Variants in PRKCZ observed in about 807,000 individuals in gnomAD.
The protein encoded by PRKCZ is protein kinase C zeta type.
Under a neutral mutation model 79.5 loss-of-function variants are expected in PRKCZ, and 33 were observed. That is an observed-to-expected ratio of 0.41 (90% confidence interval 0.31 to 0.55). The LOEUF (loss-of-function observed/expected upper bound fraction) is 0.55, where lower values mean the gene tolerates loss of function less well. Among genes scored for constraint, PRKCZ ranks in the 20% least tolerant of loss-of-function variants. PRKCZ has a pLI of 0.19. For synonymous variants in PRKCZ, 342 were observed against 320.9 expected, an observed-to-expected ratio of 1.07 and a Z score of -0.70; for missense variants, 578 against 813.5, an observed-to-expected ratio of 0.71 and a Z score of 3.52.
rs1182943665 is a variant in PRKCZ, at chr1:2,056,413, G to C, written c.194-71G>C. On this transcript the variant is annotated intron_variant, in intron 2 of 17. Transcript: ENST00000378567. The stretch of plus-strand genomic sequence containing the variant: ...CCACCAGACCCTTGTCTGGTGTGCT[G>C]AGCGGGCTCGTCACAGCCCCCTTTG... 3.6e-6 allele frequency: 5 copies of C among 1,387,094 alleles called. No homozygotes were observed. In the Admixed American group the frequency reaches 5.3e-5, roughly 15 times the overall value. The allele number at this position is 1,387,094 out of a possible 1,614,324, so 85.9% of individuals were successfully genotyped here. A position where few individuals can be genotyped will look rare whatever the true frequency, so the allele number is the denominator to read the frequency against.
rs1679253663 is a variant in PRKCZ at position 2,148,785 on chromosome 1, A to G, written c.635-87A>G. The stretch of plus-strand genomic sequence containing the variant: ...GATTCACCCTTCACCGTCACCCTGC[A>G]GAGGAGCAAGGTCCACAGGGTCGCT... On this transcript the variant is annotated intron_variant, in intron 7 of 17. Coordinates refer to ENST00000378567, the MANE Select transcript of PRKCZ (RefSeq NM_002744.6). 2.2e-6 allele frequency: 3 copies of G among 1,341,684 alleles called. No individual in the cohort carries two copies. The East Asian group carries it at 6.9e-5, about 31-fold the overall frequency. 83.1% of individuals were successfully genotyped at this position (1,341,684 alleles called of 1,614,324 possible). A position where few individuals can be genotyped will look rare whatever the true frequency, so the allele number is the denominator to read the frequency against.
At chr1:2,104,649 G>A in intron 4 of PRKCZ, 1 of 981,962 alleles carries the variant, frequency 1.0e-6, no homozygotes, top group Non-Finnish European at 1.2e-6. Context: ...AGCATCCAGG[G>A]GAAGCCAGTG....
intron 4 of PRKCZ, among the ~76,000 whole-genome samples, chr1:2,080,536 G>A (rs1241257420): frequency 2.6e-5 from 4 of 152,156 alleles, no homozygotes; most frequent in Non-Finnish European, 4.4e-5. Context: ...TCACCCCCTC[G>A]TTCAGTGGGG....
chr1:2,107,637 C>A (rs891897343), intron 4 of PRKCZ, among the ~76,000 whole-genome samples: 4 of 152,198 alleles, frequency 2.6e-5, no homozygotes, highest in Non-Finnish European at 4.4e-5. Flanking sequence ...GGAGGATGAG[C>A]CCTGCGAGGT....
chr1:2,055,805 T>A, intron 2 of PRKCZ: 1 of 485,070 alleles, frequency 2.1e-6, no homozygotes, highest in Non-Finnish European at 3.6e-6. Context: ...CTGCAGGGGG[T>A]CTCCCTGCCC....
intron 4 of PRKCZ, among the ~76,000 whole-genome samples, chr1:2,060,544 A>G (rs747787013): frequency 6.6e-6 from 1 of 151,822 alleles, no homozygotes; most frequent in Admixed American, 6.6e-5. Flanking sequence ...GAGGTTTGGC[A>G]GCGCTTAGCG....
upstream of PRKCZ, chr1:2,050,361 GGGACCGCCCGCCCCGC>G: frequency 6.0e-6 from 1 of 166,246 alleles, no homozygotes; most frequent in Non-Finnish European, 1.3e-5. Flanking sequence ...CGCCCGCCCC[GGGACCGCCCGCCCCGC>G]GGATTGGCCG....
At chr1:2,166,392 C>T (rs967425998) in intron 10 of PRKCZ, among the ~76,000 whole-genome samples, 2 of 152,212 alleles carry the variant, frequency 1.3e-5, no homozygotes, top group African/African-American at 4.8e-5. Context: ...GCACTCCAGC[C>T]TGAGTGACAG....
At chr1:2,057,971 A>G (rs1404339567) in intron 3 of PRKCZ, among the ~76,000 whole-genome samples, 1 of 151,314 alleles carries the variant, frequency 6.6e-6, no homozygotes. Context: ...GGGTTCAAGC[A>G]ATTCTTCTGC....
intron 4 of PRKCZ, among the ~76,000 whole-genome samples, chr1:2,129,997 G>A (rs1272178353): frequency 1.3e-5 from 2 of 152,200 alleles, no homozygotes; most frequent in African/African-American, 4.8e-5. Flanking sequence ...CCACCTGCCA[G>A]GCTCAGGTGA....
intron 4 of PRKCZ, among the ~76,000 whole-genome samples, chr1:2,091,597 C>G (rs1435605293): frequency 6.6e-6 from 1 of 152,132 alleles, no homozygotes; most frequent in Non-Finnish European, 1.5e-5. Context: ...TAGTTTGCCT[C>G]TCCCGGTGGT....
chr1:2,109,052 G>A (rs370184747), intron 4 of PRKCZ, among the ~76,000 whole-genome samples: 21 of 152,216 alleles, frequency 1.4e-4, no homozygotes, highest in African/African-American at 5.1e-4. Flanking sequence ...CATCCCTCTT[G>A]TGAGGACCCC....
intron 4 of PRKCZ, among the ~76,000 whole-genome samples, chr1:2,080,167 G>C (rs183702339): frequency 6.6e-6 from 1 of 152,146 alleles, no homozygotes; most frequent in East Asian, 1.9e-4. Flanking sequence ...TTGCTGTTAC[G>C]GGTTTTTTGG....
chr1:2,087,605 C>T (rs1359587420), intron 4 of PRKCZ, among the ~76,000 whole-genome samples: 1 of 152,160 alleles, frequency 6.6e-6, no homozygotes, highest in African/African-American at 2.4e-5. Flanking sequence ...GGTTGTATCC[C>T]ATCACCTGGA....
In PRKCZ at chr1:2,150,966, G is replaced by A. The variant is rs1423057814; in HGVS notation, c.864G>A (p.Val288=). Residue 288 remains valine, a synonymous_variant, in exon 9 of 18, where the codon GTG becomes GTA. Coordinates refer to ENST00000378567, the MANE Select transcript of PRKCZ (RefSeq NM_002744.6). The part of the protein sequence containing the change: ...YAMKVVKKEL[V]HDDEDIDWVQ... The stretch of plus-strand genomic sequence containing the variant: ...TGAAAGTGGTGAAGAAAGAGCTGGT[G>A]CATGATGACGAGGTAGGTGCCGCTT... 6.2e-7 allele frequency: 1 copy of A among 1,613,710 alleles called. No individual in the cohort carries two copies. The highest frequency in any genetic ancestry group is 8.5e-7 in the Non-Finnish European group (1 of 1,180,018).
At position 2,173,504 on chromosome 1, in the gene PRKCZ, C is replaced by T. The variant is rs1223140158; in HGVS notation, c.1286-393C>T. On this transcript the variant is annotated intron_variant, in intron 13 of 17. Transcript: ENST00000378567. This position sits in a 1 kb window ranked among gnomAD's most constrained non-coding sequence, Gnocchi z 5.7. Reference sequence around the variant, plus strand: ...TGAACCTTTTTAAAAAACAAAATGGCTGTAGAAGGAAACACAGGAGAGTAT... The same window carrying T: ...TGAACCTTTTTAAAAAACAAAATGGTTGTAGAAGGAAACACAGGAGAGTAT... Among the ~76,000 whole-genome samples the T allele has an allele frequency of 1.3e-5, 2 of 152,242 alleles. No homozygotes were observed. Among genetic ancestry groups the T allele is most frequent in the African/African-American group, 2.4e-5 (1 of 41,464 alleles).
Position 2,174,025 on chromosome 1 carries a change from C to G in PRKCZ, c.1405+9C>G, listed in dbSNP as rs773079116. Reference sequence around the variant, plus strand: ...GGACTACCTTTTCCAAGGTGCGTGCCCCGCTGTGCGTTCGTACCCCTCACC... The same window carrying G: ...GGACTACCTTTTCCAAGGTGCGTGCGCCGCTGTGCGTTCGTACCCCTCACC... On this transcript the variant is annotated intron_variant, in intron 14 of 17. Transcript: ENST00000378567. The surrounding 1 kb of genome is among the most constrained non-coding windows in gnomAD (Gnocchi z 6.2). 3.1e-6 allele frequency: 5 copies of G among 1,594,498 alleles called. No individual in the cohort carries two copies. The highest frequency in any genetic ancestry group is 2.3e-5 in the East Asian group (1 of 44,128).
chr1:2,049,569 G>C (rs1452557627), upstream of PRKCZ: 1 of 152,540 alleles, frequency 6.6e-6, no homozygotes, highest in Admixed American at 6.5e-5. Flanking sequence ...GAGAGGGGCC[G>C]AGGCCAGGAA....
intron 4 of PRKCZ, among the ~76,000 whole-genome samples, chr1:2,091,041 G>GT (rs1157340583): frequency 2.6e-5 from 4 of 152,128 alleles, no homozygotes; most frequent in Non-Finnish European, 5.9e-5. Context: ...GTTCTTGTTT[G>GT]TTTTTTTGAG....
Sources: allele counts gnomAD v4.1 joint callset (sites outside exome capture counted in the v4.1 genomes callset), GRCh38; gene constraint gnomAD v4.1.1; non-coding constraint Gnocchi (gnomAD v3.1); transcripts MANE v1.5; gene names NCBI Gene and HGNC (gene_info 2026-07-23, HGNC 2026-07-21).